CTNNA2: variants seen among roughly 807,000 people sequenced by gnomAD.
CTNNA2 encodes the protein catenin alpha-2.
In CTNNA2, 42 loss-of-function variants were observed where a neutral mutation model predicts 101.0. That is an observed-to-expected ratio of 0.42 (90% CI 0.32 to 0.54). The LOEUF is 0.54. Ranked by LOEUF, CTNNA2 falls within the 20% of genes least tolerant of loss-of-function variation. The pLI, the probability that CTNNA2 is intolerant of heterozygous loss-of-function variation, is 0.14. For synonymous variants in CTNNA2, 450 were observed against 456.4 expected, an observed-to-expected ratio of 0.99 and a Z score of 0.18; for missense variants, 871 against 1,223.1, an observed-to-expected ratio of 0.71 and a Z score of 4.29.
intron 7 of CTNNA2, among the ~76,000 whole-genome samples, chr2:80,234,257 C>T (rs769609514): frequency 1.3e-5 from 2 of 152,122 alleles, no homozygotes; most frequent in Non-Finnish European, 2.9e-5. Flanking sequence ...GTCTCAAACT[C>T]CTGACCTCAA....
At chr2:79,232,037 G>T (rs934880350) in intron 2 of CTNNA2, among the ~76,000 whole-genome samples, 1 of 152,036 alleles carries the variant, frequency 6.6e-6, no homozygotes, top group African/African-American at 2.4e-5. Context: ...CTCCTAGTTG[G>T]ATGCCTTTTA....
chr2:80,121,238 G>A (rs1340493342), intron 7 of CTNNA2, among the ~76,000 whole-genome samples: 6 of 152,146 alleles, frequency 3.9e-5, no homozygotes, highest in South Asian at 2.1e-4. Context: ...TTTTTACAAC[G>A]TAGATATAGA....
chr2:79,441,709 T>C (rs1039603223), intron 4 of CTNNA2, among the ~76,000 whole-genome samples: 1 of 152,152 alleles, frequency 6.6e-6, no homozygotes, highest in African/African-American at 2.4e-5. Context: ...AAAATGTATA[T>C]GAGATGCCCT....
intron 1 of CTNNA2, chr2:79,547,346 A>G (rs1673803451): frequency 6.6e-6 from 1 of 152,192 alleles, no homozygotes; most frequent in African/African-American, 2.4e-5. Flanking sequence ...ATTGTTTGAT[A>G]CTTTATGAAG....
chr2:80,432,164 CT>C (rs1305689253), intron 9 of CTNNA2, among the ~76,000 whole-genome samples: 1 of 152,084 alleles, frequency 6.6e-6, no homozygotes, highest in Non-Finnish European at 1.5e-5. Context: ...ACACCAGGCC[CT>C]TGAATAACAT....
chr2:80,140,991 G>A lies in CTNNA2; in HGVS notation c.1056+231194G>A, dbSNP rs533315562. Among the ~76,000 whole-genome samples the A allele has an allele frequency of 1.6e-3, 248 of 152,228 alleles. 2 individuals are homozygous for A. The highest frequency in any genetic ancestry group is 5.5e-3 in the African/African-American group (230 of 41,556). ...TGATTCAGTTTGATTTTGCAATGCA[G>A]TTTGCATCCTTGAAACTGCCAGTCT... On this transcript the variant is annotated intron_variant, in intron 7 of 18. Coordinates refer to ENST00000402739, the MANE Select transcript of CTNNA2 (RefSeq NM_001282597.3).
intron 7 of CTNNA2, among the ~76,000 whole-genome samples, chr2:80,294,641 AAAT>A (rs553948234): frequency 6.6e-6 from 1 of 152,016 alleles, no homozygotes; most frequent in African/African-American, 2.4e-5. Context: ...AGCTTAAAAA[AAAT>A]AATAATAATA....
chr2:79,800,180 A>G (rs74819302), intron 3 of CTNNA2, among the ~76,000 whole-genome samples: 20,517 of 152,196 alleles, frequency 0.13, 1,408 homozygotes, highest in Admixed American at 0.17. Context: ...TCAAATTTGA[A>G]AAGAAAATTT....
intron 2 of CTNNA2, among the ~76,000 whole-genome samples, chr2:79,297,011 T>G (rs1675993954): frequency 1.3e-5 from 2 of 152,102 alleles, no homozygotes; most frequent in Admixed American, 6.6e-5. Context: ...CTCCTTTATT[T>G]CATATCATTC....
rs1427602125 is a variant in CTNNA2, at chr2:80,302,710, G to A, written c.1057-90501G>A. On this transcript the variant is annotated intron_variant, in intron 7 of 18. Transcript: ENST00000402739. This position sits in a 1 kb window ranked among gnomAD's most constrained non-coding sequence, Gnocchi z 6.4. ...TGACGGCCGAGAGCAGGTGGCCGCT[G>A]GTGGGCTCGGCCCCATCCTCGCACA... 1 of 1,612,792 alleles carries A rather than the reference G, an allele frequency of 6.2e-7. No homozygotes were observed. The highest frequency in any genetic ancestry group is 1.3e-5 in the African/African-American group (1 of 75,044).
intron 7 of CTNNA2, among the ~76,000 whole-genome samples, chr2:80,220,745 C>T (rs1708527813): frequency 6.6e-6 from 1 of 152,236 alleles, no homozygotes; most frequent in Non-Finnish European, 1.5e-5. Flanking sequence ...TCAGCTTGTA[C>T]ACCCTCTCAT....
chr2:80,232,909 AG>A (rs1474202521), intron 7 of CTNNA2, among the ~76,000 whole-genome samples: 2 of 152,192 alleles, frequency 1.3e-5, no homozygotes, highest in African/African-American at 4.8e-5. Flanking sequence ...GCTGATTTGT[AG>A]CCAGCTGGGA....
intron 7 of CTNNA2, among the ~76,000 whole-genome samples, chr2:80,088,594 GTTTC>G (rs757192092): frequency 7.2e-5 from 11 of 152,108 alleles, no homozygotes; most frequent in South Asian, 2.1e-4. Flanking sequence ...TCTGTTGTTT[GTTTC>G]TTCTTTAAAA....
chr2:79,538,632 A>G lies in CTNNA2; in HGVS notation c.-6+25425A>G, dbSNP rs1382333356. Among the ~76,000 whole-genome samples, 69 of 152,176 alleles carry G rather than the reference A, an allele frequency of 4.5e-4. 2 individuals are homozygous for G. The highest frequency in any genetic ancestry group is 4.5e-3 in the Admixed American group (69 of 15,268). ...GTAACATTCTATGGGAATGGAGAGCATGACCCAAAGTAGGGGAGCTCAGAG... is the reference window on the plus strand; with the variant it reads ...GTAACATTCTATGGGAATGGAGAGCGTGACCCAAAGTAGGGGAGCTCAGAG... On this transcript the variant is annotated intron_variant, in intron 1 of 18. Coordinates refer to ENST00000402739, the MANE Select transcript of CTNNA2 (RefSeq NM_001282597.3).
chr2:80,585,767 T>A (rs554525094), intron 14 of CTNNA2, among the ~76,000 whole-genome samples: 1 of 152,348 alleles, frequency 6.6e-6, no homozygotes, highest in South Asian at 2.1e-4. Context: ...TCACAGTTTG[T>A]GATCTACTGT....
intron 2 of CTNNA2, among the ~76,000 whole-genome samples, chr2:79,198,417 T>C (rs2104174817): frequency 6.6e-6 from 1 of 152,288 alleles, no homozygotes; most frequent in Non-Finnish European, 1.5e-5. Flanking sequence ...TATATTAACT[T>C]CCCTCTGGGA....
At chr2:79,547,240 C>G (rs1359274458) in intron 1 of CTNNA2, 1 of 152,134 alleles carries the variant, frequency 6.6e-6, no homozygotes, top group African/African-American at 2.4e-5. Flanking sequence ...AGTGTTTTCT[C>G]TAATATGCTT....
intron 7 of CTNNA2, among the ~76,000 whole-genome samples, chr2:80,183,158 A>C (rs1394991220): frequency 6.6e-6 from 1 of 152,136 alleles, no homozygotes; most frequent in East Asian, 1.9e-4. Context: ...ATCCCCCCAG[A>C]CACCATTTAT....
intron 2 of CTNNA2, among the ~76,000 whole-genome samples, chr2:79,213,919 C>T (rs550377649): frequency 9.9e-5 from 15 of 152,248 alleles, no homozygotes; most frequent in East Asian, 3.9e-4. Context: ...ATTAAAGCAG[C>T]GGCAGCCGCT....
Sources: gnomAD v4.1 joint callset for allele counts (sites outside exome capture counted in the v4.1 genomes callset) on GRCh38, gnomAD v4.1.1 for gene constraint, Gnocchi (gnomAD v3.1) non-coding constraint, MANE v1.5 for transcripts, NCBI Gene and HGNC (gene_info 2026-07-23, HGNC 2026-07-21) for gene names.